Variants in IL21R observed in about 807,000 individuals in gnomAD.
The protein encoded by IL21R is interleukin-21 receptor.
Under a neutral mutation model 41.3 loss-of-function variants are expected in IL21R, and 14 were observed. That is an observed-to-expected ratio of 0.34 (90% CI 0.22 to 0.53). The LOEUF is 0.53. Ranked by LOEUF, IL21R falls within the 20% of genes least tolerant of loss-of-function variation. The pLI is 0.94. For missense variants in IL21R, 588 were observed against 681.6 expected (o/e 0.86, Z 1.53); for synonymous variants, 286 against 287.6 (o/e 0.99, Z 0.05).
At chr16:27,434,592 A>G in intron 3 of IL21R, 143 bp downstream of exon 3, 1 of 612,468 alleles carries the variant, frequency 1.6e-6, no homozygotes, top group Non-Finnish European at 2.9e-6. Flanking sequence ...TTGAAAAGTC[A>G]GGAGCCCGCA....
chr16:27,425,249 C>T (rs575361770), intron 1 of IL21R, among the ~76,000 whole-genome samples: 1 of 152,274 alleles, frequency 6.6e-6, no homozygotes, highest in East Asian at 1.9e-4. Context: ...GTGCTGTTGC[C>T]CTCAGGGGTC....
intron 1 of IL21R, among the ~76,000 whole-genome samples, chr16:27,405,882 G>A (rs1370687501): frequency 6.6e-6 from 1 of 152,264 alleles, no homozygotes; most frequent in Non-Finnish European, 1.5e-5. Context: ...CAGGACATCT[G>A]CATCAGGAAC....
intron 5 of IL21R, among the ~76,000 whole-genome samples, chr16:27,444,262 A>T (rs1392635325): frequency 6.6e-6 from 1 of 152,064 alleles, no homozygotes; most frequent in African/African-American, 2.4e-5. Context: ...AGATATGCCC[A>T]GTCCTGCAGG....
intron 1 of IL21R, among the ~76,000 whole-genome samples, chr16:27,408,961 G>A (rs1029522202): frequency 2.0e-5 from 3 of 152,022 alleles, no homozygotes; most frequent in African/African-American, 7.2e-5. Context: ...GAACATGCTG[G>A]TACATGTCTG....
chr16:27,445,910 C>T lies in IL21R; in HGVS notation c.786-97C>T, dbSNP rs977711230. On this transcript the variant is annotated intron_variant, in intron 7 of 8. Transcript: ENST00000337929. ...CGCCTGGGCTGAGTCTTGGGATGCTCGGAAGCTCCTGTAGGATGAAGCTGG... is the reference window on the plus strand; with the variant it reads ...CGCCTGGGCTGAGTCTTGGGATGCTTGGAAGCTCCTGTAGGATGAAGCTGG... 7 of 890,268 alleles carry T rather than the reference C, an allele frequency of 7.9e-6. No homozygotes were observed. The Admixed American group carries it at 8.0e-5, about 10-fold the overall frequency. 55.1% of individuals were successfully genotyped at this position (890,268 alleles called of 1,614,324 possible). A position where few individuals can be genotyped will look rare whatever the true frequency, so the allele number is the denominator to read the frequency against.
At chr16:27,446,204 T>G in intron 8 of IL21R, 116 bp downstream of exon 8, 1 of 695,852 alleles carries the variant, frequency 1.4e-6, no homozygotes, top group Middle Eastern at 3.9e-4. Flanking sequence ...CATCCAGGTC[T>G]CAGCCAAGCC....
intron 4 of IL21R, among the ~76,000 whole-genome samples, chr16:27,440,463 G>A (rs190636037): frequency 1.3e-5 from 2 of 151,906 alleles, no homozygotes; most frequent in Admixed American, 1.3e-4. Context: ...TGTAGAGCTG[G>A]GATCTTGCTG....
In IL21R at chr16:27,440,248, TAGAGAGAGAG is replaced by T. The variant is rs1217071764; in HGVS notation, c.352+2584_352+2593del. ...ATATATATATATATATATATATATA[TAGAGAGAGAG>T]AGAGAGAGAGAGAGAGAGAGAGCGA... On this transcript the variant is annotated intron_variant, in intron 4 of 8. Coordinates refer to ENST00000337929, the MANE Select transcript of IL21R (RefSeq NM_181078.3). Among the ~76,000 whole-genome samples, 42 of 64,044 alleles carry T rather than the reference TAGAGAGAGAG, an allele frequency of 6.6e-4. No individual in the cohort carries two copies. The South Asian group carries it at 9.0e-3, about 14-fold the overall frequency. 42.0% of individuals were successfully genotyped at this position (64,044 alleles called of 152,430 possible). A position where few individuals can be genotyped will look rare whatever the true frequency, so the allele number is the denominator to read the frequency against.
chr16:27,451,135 C>T lies in IL21R; in HGVS notation c.*1852C>T, dbSNP rs1057265476. ...GGAGCAGGCGCAGCCCTCAACACCC[C>T]GTGCACCTGCACCCTAGGGACTCTT... is the stretch of plus-strand genomic sequence containing the variant. On this transcript the variant is annotated 3_prime_UTR_variant, in exon 9 of 9. Transcript: ENST00000337929. The T allele has an allele frequency of 6.4e-5, 15 of 232,820 alleles. No individual in the cohort carries two copies. Among genetic ancestry groups the T allele is most frequent in the East Asian group, 3.6e-4 (6 of 16,534 alleles). 14.4% of individuals were successfully genotyped at this position (232,820 alleles called of 1,614,324 possible).
At chr16:27,430,404 G>A (rs1435700440) in intron 2 of IL21R, among the ~76,000 whole-genome samples, 1 of 152,208 alleles carries the variant, frequency 6.6e-6, no homozygotes. Context: ...GAAAGGCTTC[G>A]TCCTTCATTT....
intron 1 of IL21R, among the ~76,000 whole-genome samples, chr16:27,405,000 G>A (rs2141252984): frequency 6.6e-6 from 1 of 152,168 alleles, no homozygotes; most frequent in Admixed American, 6.5e-5. Context: ...GATGGCTCAT[G>A]AGAAGTGCCC....
chr16:27,446,203 C>T (rs891955102), intron 8 of IL21R, 115 bp downstream of exon 8: 1 of 696,056 alleles, frequency 1.4e-6, no homozygotes, highest in Non-Finnish European at 2.3e-6. Context: ...GCATCCAGGT[C>T]TCAGCCAAGC....
chr16:27,439,481 G>A (rs970460304), intron 4 of IL21R, among the ~76,000 whole-genome samples: 4 of 145,474 alleles, frequency 2.7e-5, no homozygotes, highest in Non-Finnish European at 6.0e-5. Context: ...CACACGTGTA[G>A]ACTCACACAT....
rs551768323 is a variant in IL21R, at chr16:27,418,100, C to T, written c.-16-11956C>T. On this transcript the variant is annotated intron_variant, in intron 1 of 8. Coordinates refer to ENST00000337929, the MANE Select transcript of IL21R (RefSeq NM_181078.3). ...TTTTATTTTATTTAAGACGGAGGTT[C>T]GCTCTATCGCCCAGGCTGGAGTGCA... 3.5e-3 allele frequency among the ~76,000 whole-genome samples: 510 copies of T among 146,174 alleles called. 2 individuals are homozygous for T. Among genetic ancestry groups the T allele is most frequent in the Middle Eastern group, 0.014 (4 of 290 alleles).
chr16:27,443,493 A>T (rs62029072), intron 5 of IL21R, among the ~76,000 whole-genome samples: 1 of 152,166 alleles, frequency 6.6e-6, no homozygotes, highest in East Asian at 1.9e-4. Context: ...TCAATTATTA[A>T]GAAGGTCCAG....
At chr16:27,418,569 A>T (rs1653158217) in intron 1 of IL21R, among the ~76,000 whole-genome samples, 1 of 150,324 alleles carries the variant, frequency 6.7e-6, no homozygotes, top group Non-Finnish European at 1.5e-5. Context: ...ACGGGGTTTC[A>T]CCATGTTAGC....
chr16:27,416,163 C>T (rs554781953), intron 1 of IL21R, among the ~76,000 whole-genome samples: 7 of 152,214 alleles, frequency 4.6e-5, no homozygotes, highest in Non-Finnish European at 1.0e-4. Context: ...CTCACTTTCT[C>T]ACCCAGGCTG....
intron 2 of IL21R, among the ~76,000 whole-genome samples, chr16:27,433,158 A>T (rs1567365840): frequency 6.6e-6 from 1 of 152,118 alleles, no homozygotes; most frequent in Non-Finnish European, 1.5e-5. Context: ...AGCCACCAAA[A>T]ATGAACCTAC....
At chr16:27,444,268 G>T (rs1480149699) in intron 5 of IL21R, among the ~76,000 whole-genome samples, 2 of 152,042 alleles carry the variant, frequency 1.3e-5, no homozygotes, top group African/African-American at 4.8e-5. Context: ...GCCCAGTCCT[G>T]CAGGGAGAGT....
Sources: gnomAD v4.1 joint callset for allele counts (sites outside exome capture counted in the v4.1 genomes callset) on GRCh38, gnomAD v4.1.1 for gene constraint, MANE v1.5 for transcripts, NCBI Gene and HGNC (gene_info 2026-07-23, HGNC 2026-07-21) for gene names.